Variants in ZCCHC14 observed in about 807,000 individuals in gnomAD.
ZCCHC14 encodes the protein zinc finger CCHC-type containing 14.
A neutral mutation model predicts 85.0 loss-of-function variants in ZCCHC14; 16 were observed. The ratio of observed to expected loss-of-function variants is 0.19; its 90% CI spans 0.13 to 0.29. ZCCHC14 has a LOEUF of 0.29. Among genes scored for constraint, ZCCHC14 ranks in the 10% least tolerant of loss-of-function variants. The pLI, the probability that ZCCHC14 is intolerant of heterozygous loss-of-function variation, is 1.00. For missense variants in ZCCHC14, 1,303 were observed against 1,443.5 expected (o/e 0.90, Z 1.58); for synonymous variants, 775 against 630.7 (o/e 1.23, Z -3.43).
At chr16:87,469,907 A>G (rs1005479621) in intron 1 of ZCCHC14, among the ~76,000 whole-genome samples, 1 of 152,152 alleles carries the variant, frequency 6.6e-6, no homozygotes, top group Admixed American at 6.5e-5. Flanking sequence ...TATCTTCTCA[A>G]GTAGAGACTT....
intron 2 of ZCCHC14, among the ~76,000 whole-genome samples, chr16:87,448,753 G>C (rs1289116024): frequency 6.6e-6 from 1 of 152,166 alleles, no homozygotes; most frequent in Non-Finnish European, 1.5e-5. Flanking sequence ...GTTAATTGGA[G>C]TTTCCCTAAG....
intron 2 of ZCCHC14, among the ~76,000 whole-genome samples, chr16:87,455,320 G>A (rs892061619): frequency 2.6e-5 from 4 of 151,412 alleles, no homozygotes; most frequent in South Asian, 2.1e-4. Flanking sequence ...ATACTGGAAA[G>A]TGAACGACTG....
rs1055201983 is a variant in ZCCHC14 at position 87,459,184 on chromosome 16, T to C, written c.694+824A>G. Among the ~76,000 whole-genome samples, 5 of 152,274 alleles carry C rather than the reference T, an allele frequency of 3.3e-5. No individual in the cohort carries two copies. In the East Asian group the frequency reaches 9.6e-4, roughly 29 times the overall value. Reference sequence around the variant, plus strand: ...CTCAGGTAGCCAGTCACATTAGCCATGTTTCAAGTGCGCGGAAGGCACGTG... The same window carrying C: ...CTCAGGTAGCCAGTCACATTAGCCACGTTTCAAGTGCGCGGAAGGCACGTG... On this transcript the variant is annotated intron_variant, in intron 2 of 12. Coordinates refer to ENST00000671377, the MANE Select transcript of ZCCHC14 (RefSeq NM_015144.3).
intron 9 of ZCCHC14, 33 bp from the exon 10 acceptor site, chr16:87,414,574 C>G: frequency 6.3e-7 from 1 of 1,592,170 alleles, no homozygotes. Context: ...AACAAGTGAG[C>G]ACTGCCTACT....
At chr16:87,467,177 T>A in intron 1 of ZCCHC14, 1 of 1,359,538 alleles carries the variant, frequency 7.4e-7, no homozygotes, top group African/African-American at 1.4e-5. Flanking sequence ...TGCTTTCTCC[T>A]CTGGCGGGAG....
rs1912854097 is a variant in ZCCHC14 at position 87,492,980 on chromosome 16, G to A, written c.-742C>T. ...GGAGGCGCCGGCCGAGGAGCGGAGG[G>A]ATCGTCGCGCTCGCGGCTGACGGGC... On this transcript the variant is annotated 5_prime_UTR_variant, in exon 1 of 13. Transcript: ENST00000671377. This position sits in a 1 kb window ranked among gnomAD's most constrained non-coding sequence, Gnocchi z 6.7. Among the ~76,000 whole-genome samples the A allele has an allele frequency of 6.6e-6, 1 of 151,688 alleles. No homozygotes were observed. Among genetic ancestry groups the A allele is most frequent in the African/African-American group, 2.4e-5 (1 of 41,396 alleles).
rs779671575 is a variant in ZCCHC14 at position 87,419,845 on chromosome 16, T to C, written c.983A>G (p.Lys328Arg). 4.3e-6 allele frequency: 7 copies of C among 1,613,204 alleles called. No individual in the cohort carries two copies. In the South Asian group the frequency reaches 7.7e-5, roughly 18 times the overall value. ...YLASLPSHVL[K>R]NDHVRRFLST... ...GAGAAACCTCCTGACATGGTCATTT[T>C]TCAACACGTGAGAAGGTAATGAGGC... Residue 328 changes from lysine (K) to arginine (R), a missense_variant, in exon 6 of 13, where the codon AAA (lysine) becomes AGA (arginine). This residue lies in a region of ZCCHC14 where 389 missense variants were observed against 397.8 expected (regional missense o/e 0.98). Transcript: ENST00000671377.
At chr16:87,446,775 C>G (rs1384770686) in intron 2 of ZCCHC14, among the ~76,000 whole-genome samples, 2 of 151,990 alleles carry the variant, frequency 1.3e-5, no homozygotes, top group African/African-American at 4.8e-5. Flanking sequence ...CTGCAACCTC[C>G]ACCTCCCAAG....
chr16:87,418,756 C>G, intron 7 of ZCCHC14, 91 bp downstream of exon 7: 1 of 1,305,506 alleles, frequency 7.7e-7, no homozygotes, highest in Non-Finnish European at 1.1e-6. Context: ...TTGAGCATGA[C>G]TTAATTCTTG....
intron 2 of ZCCHC14, among the ~76,000 whole-genome samples, chr16:87,453,012 C>T (rs969683198): frequency 2.0e-5 from 3 of 152,220 alleles, no homozygotes; most frequent in African/African-American, 4.8e-5. Context: ...CGCCAAGCAC[C>T]CGTCTCCCTT....
chr16:87,433,105 G>A (rs1418938366), intron 3 of ZCCHC14, 23 bp downstream of exon 3: 2 of 1,611,828 alleles, frequency 1.2e-6, no homozygotes, highest in South Asian at 1.1e-5. Flanking sequence ...CAGGAGAGAG[G>A]GGAAAAAAAC....
At chr16:87,468,463 CA>C (rs71156233) in intron 1 of ZCCHC14, among the ~76,000 whole-genome samples, 28,723 of 145,212 alleles carry the variant, frequency 0.2, 3,374 homozygotes, top group South Asian at 0.58. Flanking sequence ...ATTACATAGT[CA>C]AAAAAAAAAA....
intron 2 of ZCCHC14, among the ~76,000 whole-genome samples, chr16:87,455,752 G>A (rs1269879146): frequency 6.6e-6 from 1 of 152,218 alleles, no homozygotes. Context: ...CAGTGCAAAA[G>A]CAACATGCAT....
chr16:87,439,425 G>C (rs991291295), intron 2 of ZCCHC14, among the ~76,000 whole-genome samples: 1 of 152,206 alleles, frequency 6.6e-6, no homozygotes, highest in African/African-American at 2.4e-5. Context: ...GAGCCACTGT[G>C]CCTGGCCACA....
chr16:87,490,811 G>C (rs568422643), intron 1 of ZCCHC14, among the ~76,000 whole-genome samples: 3 of 152,036 alleles, frequency 2.0e-5, no homozygotes, highest in East Asian at 1.9e-4. Context: ...TCATACACAC[G>C]TGTGCACATA....
Position 87,413,140 on chromosome 16 carries a change from G to C in ZCCHC14, c.1659C>G (p.Ser553=). The C allele has an allele frequency of 6.2e-7, 1 of 1,610,602 alleles. No homozygotes were observed. The highest frequency in any genetic ancestry group is 8.5e-7 in the Non-Finnish European group (1 of 1,178,516). The change falls in exon 11 of 13, where the codon TCC becomes TCG. Residue 553 remains serine, a synonymous_variant. Transcript: ENST00000671377. The part of the protein sequence containing the change: ...PHHQLPREGS[S]SEYSSSSSSP... ...TGGAGGAGGAGCTGGAGTACTCCGA[G>C]GAACTGCCTTCCCGGGGCAGCTGGT...
In ZCCHC14 at chr16:87,492,094, C is replaced by G; in HGVS notation, c.145G>C (p.Glu49Gln). The G allele has an allele frequency of 7.2e-7, 1 of 1,390,338 alleles. No individual in the cohort carries two copies. 86.1% of individuals were successfully genotyped at this position (1,390,338 alleles called of 1,614,324 possible). ...LELRFLGSCL[E>Q]DLARKDYHSL... ...TGGTAGTCCTTGCGGGCCAGGTCCT[C>G]CAGGCACGAGCCGAGGAAGCGAAGC... The change falls in exon 1 of 13, where the codon GAG (glutamate) becomes CAG (glutamine). Residue 49 changes from glutamate to glutamine, a missense_variant. Physicochemically the swap from Glu to Gln is conservative, Grantham distance 29. This residue lies in a region of ZCCHC14 where 29 missense variants were observed against 76.8 expected (regional missense o/e 0.38). Coordinates refer to ENST00000671377, the MANE Select transcript of ZCCHC14 (RefSeq NM_015144.3). The surrounding 1 kb of genome is among the most constrained non-coding windows in gnomAD (Gnocchi z 6.7).
intron 2 of ZCCHC14, among the ~76,000 whole-genome samples, chr16:87,441,948 G>C (rs1354948063): frequency 1.3e-5 from 2 of 152,228 alleles, no homozygotes; most frequent in Admixed American, 6.5e-5. Context: ...CCTCCTCACT[G>C]CCTTTTCTTC....
At chr16:87,422,381 G>C (rs1046434692) in intron 4 of ZCCHC14, among the ~76,000 whole-genome samples, 1 of 152,106 alleles carries the variant, frequency 6.6e-6, no homozygotes, top group South Asian at 2.1e-4. Context: ...GAGTCCAGGA[G>C]AGGGGAGGAT....
Sources: gnomAD v4.1 joint callset for allele counts (sites outside exome capture counted in the v4.1 genomes callset) on GRCh38, gnomAD v4.1.1 for gene constraint, gnomAD v4.1.1 regional missense constraint, Gnocchi (gnomAD v3.1) non-coding constraint, MANE v1.5 for transcripts, NCBI Gene and HGNC (gene_info 2026-07-23, HGNC 2026-07-21) for gene names.